The following LDLRAD3 variants were observed in gnomAD, a reference collection of about 807,000 sequenced individuals.
LDLRAD3 encodes the protein low density lipoprotein receptor class A domain containing 3, also known as low-density lipoprotein receptor class A domain-containing protein 3.
A neutral mutation model predicts 29.4 loss-of-function variants in LDLRAD3; 20 were observed. The observed-to-expected ratio is 0.68, with a 90% CI of 0.48 to 0.99. LDLRAD3 has a LOEUF of 0.99. Ranked by LOEUF, LDLRAD3 falls within the 50% of genes least tolerant of loss-of-function variation. The pLI is 0.00. For missense variants in LDLRAD3, 420 were observed against 454.3 expected, an observed-to-expected ratio of 0.92 and a Z score of 0.69; for synonymous variants, 157 against 192.7, an observed-to-expected ratio of 0.81 and a Z score of 1.53.
intron 4 of LDLRAD3, chr11:36,101,856 A>G (rs1379825591): frequency 3.0e-6 from 1 of 328,036 alleles, no homozygotes; most frequent in Non-Finnish European, 5.8e-6. Context: ...ATATTGCCCT[A>G]TGCCACATAG....
intron 4 of LDLRAD3, among the ~76,000 whole-genome samples, chr11:36,144,952 G>T (rs1854156792): frequency 9.6e-6 from 1 of 104,356 alleles, no homozygotes; most frequent in Non-Finnish European, 2.0e-5. Context: ...CCCTCTGCCC[G>T]GCCAGCCGCC....
At chr11:36,165,290 A>T (rs1414811782) in intron 4 of LDLRAD3, among the ~76,000 whole-genome samples, 1 of 152,166 alleles carries the variant, frequency 6.6e-6, no homozygotes, top group African/African-American at 2.4e-5. Context: ...CTATTGATGA[A>T]CATTTAGATT....
At position 35,948,684 on chromosome 11, in the gene LDLRAD3, C is replaced by T. The variant is rs114197364; in HGVS notation, c.46+4540C>T. ...TTTTATGACAGAGTAACTGCTTGGT[C>T]GGGGGAGAGCAAAAGTTTACTTGAG... On this transcript the variant is annotated intron_variant, in intron 1 of 5. Coordinates refer to ENST00000315571, the MANE Select transcript of LDLRAD3 (RefSeq NM_174902.4). 1.5e-3 allele frequency among the ~76,000 whole-genome samples: 232 copies of T among 152,058 alleles called. 1 individual carries two copies. Among genetic ancestry groups the T allele is most frequent in the African/African-American group, 2.7e-3 (112 of 41,470 alleles).
In LDLRAD3 at chr11:36,213,228, C is replaced by G. The variant is rs938890200; in HGVS notation, c.455-13857C>G. ...CAGATGGGTCTCCTCTCTCATTTCC[C>G]TCTGGCTTGGGGCCAGGATGGCCCC... is the stretch of plus-strand genomic sequence containing the variant. On this transcript the variant is annotated intron_variant, in intron 4 of 5. Transcript: ENST00000315571. The surrounding 1 kb of genome is among the most constrained non-coding windows in gnomAD (Gnocchi z 4.1). Among the ~76,000 whole-genome samples the G allele has an allele frequency of 1.3e-5, 2 of 152,202 alleles. No homozygotes were observed. Among genetic ancestry groups the G allele is most frequent in the Non-Finnish European group, 2.9e-5 (2 of 68,034 alleles).
chr11:36,219,969 A>G (rs1855406214), intron 4 of LDLRAD3, among the ~76,000 whole-genome samples: 1 of 152,244 alleles, frequency 6.6e-6, no homozygotes, highest in Non-Finnish European at 1.5e-5. Flanking sequence ...TGCTCTTACT[A>G]TCCAATAATA....
intron 2 of LDLRAD3, among the ~76,000 whole-genome samples, chr11:36,043,690 C>G (rs1036856003): frequency 5.9e-5 from 9 of 152,140 alleles, no homozygotes. Flanking sequence ...ACCTGCAAGC[C>G]AAGGAGTGCC....
intron 1 of LDLRAD3, among the ~76,000 whole-genome samples, chr11:35,970,665 A>G (rs1352445141): frequency 2.0e-5 from 3 of 152,222 alleles, no homozygotes; most frequent in Non-Finnish European, 2.9e-5. Flanking sequence ...AGAGGTGTTA[A>G]GCATCTTGCC....
In LDLRAD3 at chr11:36,229,636, G is replaced by C; in HGVS notation, c.*239G>C. ...TCAGGTCACTCTTCCCTTGGGACCC[G>C]AGATCACACCCTCATTTTTCACATT... On this transcript the variant is annotated 3_prime_UTR_variant, in exon 6 of 6. Coordinates refer to ENST00000315571, the MANE Select transcript of LDLRAD3 (RefSeq NM_174902.4). The C allele has an allele frequency of 8.4e-6, 4 of 475,140 alleles. No individual in the cohort carries two copies. Among genetic ancestry groups the C allele is most frequent in the South Asian group, 9.5e-5 (2 of 21,010 alleles). 29.4% of individuals were successfully genotyped at this position (475,140 alleles called of 1,614,324 possible). A position where few individuals can be genotyped will look rare whatever the true frequency, so the allele number is the denominator to read the frequency against.
intron 1 of LDLRAD3, among the ~76,000 whole-genome samples, chr11:35,983,693 C>T (rs1440886849): frequency 1.3e-5 from 2 of 152,114 alleles, no homozygotes; most frequent in Admixed American, 6.5e-5. Context: ...TGTAGTGGTG[C>T]GATCTCAGCT....
intron 1 of LDLRAD3, among the ~76,000 whole-genome samples, chr11:36,023,046 C>G (rs540684566): frequency 6.6e-6 from 1 of 152,248 alleles, no homozygotes; most frequent in Admixed American, 6.5e-5. Flanking sequence ...AGGGAGTGTG[C>G]CTGTGTGAGC....
intron 4 of LDLRAD3, among the ~76,000 whole-genome samples, chr11:36,159,956 A>C (rs1459049549): frequency 6.6e-6 from 1 of 152,144 alleles, no homozygotes; most frequent in African/African-American, 2.4e-5. Context: ...ACAGAGCCGC[A>C]GGGCTTTTGT....
At chr11:36,138,789 A>G (rs1474615804) in intron 4 of LDLRAD3, among the ~76,000 whole-genome samples, 1 of 152,152 alleles carries the variant, frequency 6.6e-6, no homozygotes, top group Non-Finnish European at 1.5e-5. Flanking sequence ...GGTGGTAGAA[A>G]GTTTAAGACC....
intron 1 of LDLRAD3, among the ~76,000 whole-genome samples, chr11:36,002,022 T>G (rs866102301): frequency 7.2e-5 from 11 of 152,194 alleles, no homozygotes; most frequent in African/African-American, 2.4e-4. Context: ...TTAATTAACA[T>G]TTACAAAACA....
chr11:36,101,818 A>G (rs1853450590), intron 4 of LDLRAD3: 1 of 273,238 alleles, frequency 3.7e-6, no homozygotes. Context: ...TTTCCTGAAG[A>G]ATCTCAGAGA....
intron 4 of LDLRAD3, among the ~76,000 whole-genome samples, chr11:36,208,908 A>G (rs1333738702): frequency 6.6e-6 from 1 of 152,222 alleles, no homozygotes; most frequent in African/African-American, 2.4e-5. Context: ...CTCCCCCAAA[A>G]TATTTATTGA....
chr11:35,950,609 T>G (rs1851119275), intron 1 of LDLRAD3, among the ~76,000 whole-genome samples: 1 of 152,152 alleles, frequency 6.6e-6, no homozygotes, highest in African/African-American at 2.4e-5. Flanking sequence ...TCCTGCTAGA[T>G]TGAAAGCTCC....
At chr11:36,119,661 C>G (rs569238534) in intron 4 of LDLRAD3, among the ~76,000 whole-genome samples, 70 of 143,316 alleles carry the variant, frequency 4.9e-4, no homozygotes, top group Non-Finnish European at 3.8e-4. Context: ...TGTTGCTGTC[C>G]TTTGCCCATT....
At chr11:35,989,464 A>G (rs1207366952) in intron 1 of LDLRAD3, among the ~76,000 whole-genome samples, 1 of 152,226 alleles carries the variant, frequency 6.6e-6, no homozygotes, top group Non-Finnish European at 1.5e-5. Context: ...TGCTTTCGGC[A>G]GTATGGCCAT....
intron 2 of LDLRAD3, 152 bp from the exon 3 acceptor site, chr11:36,081,501 T>G: frequency 1.0e-6 from 1 of 988,844 alleles, no homozygotes; most frequent in Non-Finnish European, 1.5e-6. Flanking sequence ...TGGCTGGGTG[T>G]TTGAGGTGGG....
Sources: allele counts gnomAD v4.1 joint callset (sites outside exome capture counted in the v4.1 genomes callset), GRCh38; gene constraint gnomAD v4.1.1; non-coding constraint Gnocchi (gnomAD v3.1); transcripts MANE v1.5; gene names NCBI Gene and HGNC (gene_info 2026-07-23, HGNC 2026-07-21).